The following IL1RAPL2 variants were observed in gnomAD, a reference collection of about 807,000 sequenced individuals.
IL1RAPL2 encodes the protein interleukin 1 receptor accessory protein like 2, also known as X-linked interleukin-1 receptor accessory protein-like 2.
A neutral mutation model predicts 44.1 loss-of-function variants in IL1RAPL2; 3 were observed. That is an observed-to-expected ratio of 0.07 (90% CI 0.03 to 0.18). The LOEUF is 0.18. Ranked by LOEUF, IL1RAPL2 falls within the 10% of genes least tolerant of loss-of-function variation. The probability of loss-of-function intolerance (pLI) is 1.00; values close to 1 mark genes in which losing one functional copy is unlikely to be tolerated. For synonymous variants in IL1RAPL2, 181 were observed against 178.8 expected, an observed-to-expected ratio of 1.01 and a Z score of -0.10; for missense variants, 391 against 496.4, an observed-to-expected ratio of 0.79 and a Z score of 2.02.
intron 7 of IL1RAPL2, among the ~76,000 whole-genome samples, chrX:105,732,040 A>G (rs747212150): frequency 8.9e-6 from 1 of 111,870 alleles, no homozygotes; most frequent in Non-Finnish European, 1.9e-5. Context: ...CTGTATATGT[A>G]ACAAAATATT....
At chrX:105,144,252 C>G (rs2033158516) in intron 2 of IL1RAPL2, among the ~76,000 whole-genome samples, 1 of 109,868 alleles carries the variant, frequency 9.1e-6, no homozygotes, top group South Asian at 4.0e-4. Flanking sequence ...GTGGATCTAG[C>G]TACTTACTAA....
At chrX:105,189,457 C>T (rs995001157) in intron 2 of IL1RAPL2, among the ~76,000 whole-genome samples, 2 of 112,086 alleles carry the variant, frequency 1.8e-5, no homozygotes, top group Admixed American at 9.5e-5. Context: ...TCTCGTACTC[C>T]TGGCCTCAAG....
At chrX:105,245,183 CT>C (rs1283164771) in intron 4 of IL1RAPL2, among the ~76,000 whole-genome samples, 1 of 112,357 alleles carries the variant, frequency 8.9e-6, no homozygotes, top group Non-Finnish European at 1.9e-5. Context: ...TTCCAGGTGT[CT>C]TTTCAAATAT....
intron 2 of IL1RAPL2, among the ~76,000 whole-genome samples, chrX:104,820,187 T>C (rs1338250880): frequency 8.9e-6 from 1 of 111,875 alleles, no homozygotes; most frequent in African/African-American, 3.3e-5. Flanking sequence ...CTGTCTCTTA[T>C]CGTTGTTAAA....
chrX:105,734,967 G>A (rs1324378367), intron 7 of IL1RAPL2, among the ~76,000 whole-genome samples: 2 of 110,874 alleles, frequency 1.8e-5, no homozygotes, highest in Non-Finnish European at 3.8e-5. Context: ...TTTGCTCCTG[G>A]GGATCTCATT....
chrX:105,039,788 G>T (rs1359681133), intron 2 of IL1RAPL2, among the ~76,000 whole-genome samples: 2 of 111,465 alleles, frequency 1.8e-5, no homozygotes, highest in African/African-American at 3.3e-5. Flanking sequence ...GGGCTGAGAC[G>T]ATGGGGTTTT....
intron 6 of IL1RAPL2, among the ~76,000 whole-genome samples, chrX:105,706,081 A>G (rs1303443509): frequency 9.0e-6 from 1 of 110,688 alleles, no homozygotes; most frequent in African/African-American, 3.3e-5. Flanking sequence ...TTGAAGACAG[A>G]ACTAGATCCA....
At chrX:105,216,957 A>G (rs2033864395) in intron 3 of IL1RAPL2, among the ~76,000 whole-genome samples, 1 of 111,095 alleles carries the variant, frequency 9.0e-6, no homozygotes. Flanking sequence ...TTAATTCAAG[A>G]TGGATTAAAG....
chrX:105,377,370 CTGTGTGTG>C (rs750610467), intron 5 of IL1RAPL2, among the ~76,000 whole-genome samples: 1 of 99,142 alleles, frequency 1.0e-5, no homozygotes, highest in African/African-American at 3.6e-5. Context: ...GTGTGTGTGT[CTGTGTGTG>C]TGTGTGTGTG....
In IL1RAPL2 at chrX:105,610,705, T is replaced by C. The variant is rs374938458; in HGVS notation, c.773-106662T>C. Among the ~76,000 whole-genome samples the C allele has an allele frequency of 7.7e-4, 86 of 111,804 alleles. No individual in the cohort carries two copies. In the East Asian group the frequency reaches 0.013, roughly 17 times the overall value. On this transcript the variant is annotated intron_variant, in intron 6 of 10. Coordinates refer to ENST00000372582, the MANE Select transcript of IL1RAPL2 (RefSeq NM_017416.2). ...CATATTACTCATATGTTTGTGGTGATACTGTTGTAAACAAACCGACTGTGC... is the reference window on the plus strand; with the variant it reads ...CATATTACTCATATGTTTGTGGTGACACTGTTGTAAACAAACCGACTGTGC...
At chrX:105,459,916 G>T (rs1344361832) in intron 5 of IL1RAPL2, among the ~76,000 whole-genome samples, 1 of 111,137 alleles carries the variant, frequency 9.0e-6, no homozygotes, top group Non-Finnish European at 1.9e-5. Context: ...TGGCAAAATT[G>T]GTACTAGCCT....
intron 1 of IL1RAPL2, among the ~76,000 whole-genome samples, chrX:104,634,236 C>T (rs1569285822): frequency 9.0e-6 from 1 of 111,595 alleles, no homozygotes; most frequent in East Asian, 2.8e-4. Context: ...TGTTCTTTTA[C>T]ATTTGCTGAG....
intron 5 of IL1RAPL2, among the ~76,000 whole-genome samples, chrX:105,415,049 T>C (rs1251506109): frequency 1.8e-5 from 2 of 112,283 alleles, no homozygotes; most frequent in Non-Finnish European, 1.9e-5. Flanking sequence ...AAGTCTTTGC[T>C]TTGCATCAAT....
chrX:105,711,526 C>T lies in IL1RAPL2; in HGVS notation c.773-5841C>T, dbSNP rs182234964. On this transcript the variant is annotated intron_variant, in intron 6 of 10. Transcript: ENST00000372582. The stretch of plus-strand genomic sequence containing the variant: ...CACTATTACATTGGCAACTGAATTT[C>T]AACATGAGCTTTGGAGGAGACATTC... Among the ~76,000 whole-genome samples, 244 of 111,682 alleles carry T rather than the reference C, an allele frequency of 2.2e-3. 3 individuals are homozygous for T. The highest frequency in any genetic ancestry group is 7.7e-3 in the African/African-American group (235 of 30,709).
chrX:105,703,569 C>T (rs1439359130), intron 6 of IL1RAPL2, among the ~76,000 whole-genome samples: 1 of 111,703 alleles, frequency 9.0e-6, no homozygotes, highest in Non-Finnish European at 1.9e-5. Context: ...ACATTGCAAG[C>T]TCTGCCAACA....
chrX:105,762,204 TA>T (rs2038693364), intron 10 of IL1RAPL2, among the ~76,000 whole-genome samples: 1 of 112,320 alleles, frequency 8.9e-6, no homozygotes, highest in Non-Finnish European at 1.9e-5. Flanking sequence ...GATCTAATTC[TA>T]TTTCTCCTCT....
intron 2 of IL1RAPL2, among the ~76,000 whole-genome samples, chrX:105,130,996 C>A (rs763826037): frequency 9.0e-6 from 1 of 111,565 alleles, no homozygotes; most frequent in South Asian, 3.7e-4. Flanking sequence ...GAAACAATTT[C>A]ATTCAAACTG....
chrX:104,826,938 C>CTTTTTTTTTT (rs1176113214), intron 2 of IL1RAPL2, among the ~76,000 whole-genome samples: 5 of 34,850 alleles, frequency 1.4e-4, no homozygotes, highest in Non-Finnish European at 2.5e-4. Context: ...GCAACCCCTG[C>CTTTTTTTTTT]TTTTTTTTTT....
chrX:105,660,727 A>G (rs1291346672), intron 6 of IL1RAPL2, among the ~76,000 whole-genome samples: 2 of 111,292 alleles, frequency 1.8e-5, no homozygotes, highest in East Asian at 2.8e-4. Context: ...ATAACAGGGT[A>G]TAAGATATCA....
Sources: gnomAD v4.1 joint callset for allele counts (sites outside exome capture counted in the v4.1 genomes callset) on GRCh38, gnomAD v4.1.1 for gene constraint, MANE v1.5 for transcripts, NCBI Gene and HGNC (gene_info 2026-07-23, HGNC 2026-07-21) for gene names.